Variants in BBS9 observed in about 807,000 individuals in gnomAD.
BBS9 encodes the protein Bardet-Biedl syndrome 9.
Under a neutral mutation model 117.7 loss-of-function variants are expected in BBS9, and 89 were observed. The ratio of observed to expected loss-of-function variants is 0.76; its 90% confidence interval spans 0.64 to 0.90. The LOEUF (loss-of-function observed/expected upper bound fraction) is 0.90, where lower values mean the gene tolerates loss of function less well. Ranked by LOEUF, BBS9 falls within the 40% of genes least tolerant of loss-of-function variation. The pLI is 0.00. For missense variants in BBS9, 982 were observed against 1,042.2 expected (o/e 0.94, Z 0.80); for synonymous variants, 379 against 370.9 (o/e 1.02, Z -0.25).
At chr7:33,590,471 T>TG (rs1423994432) in intron 21 of BBS9, among the ~76,000 whole-genome samples, 1 of 149,066 alleles carries the variant, frequency 6.7e-6, no homozygotes, top group African/African-American at 2.5e-5. Flanking sequence ...TTTTTTTTTT[T>TG]TTTTTTACCA....
downstream of BBS9, among the ~76,000 whole-genome samples, chr7:33,606,750 T>C (rs974806503): frequency 2.6e-5 from 4 of 152,138 alleles, no homozygotes; most frequent in African/African-American, 7.2e-5. Context: ...TATCTCCTTA[T>C]CCCTACACCA....
intron 19 of BBS9, among the ~76,000 whole-genome samples, chr7:33,405,807 A>C (rs1230434673): frequency 6.6e-5 from 10 of 152,052 alleles, no homozygotes; most frequent in Non-Finnish European, 1.5e-4. Context: ...TCCTGGATTC[A>C]TTAATTTTTT....
chr7:33,574,411 A>G (rs1300620453), intron 21 of BBS9, among the ~76,000 whole-genome samples: 6 of 152,098 alleles, frequency 3.9e-5, no homozygotes, highest in Non-Finnish European at 8.8e-5. Flanking sequence ...CCTTCCAGTC[A>G]TCCAACAAGG....
chr7:33,176,902 T>C (rs2128161083), intron 4 of BBS9, among the ~76,000 whole-genome samples: 1 of 152,328 alleles, frequency 6.6e-6, no homozygotes. Flanking sequence ...GTCTATTAAA[T>C]GCAGAGTATT....
chr7:33,153,117 T>C (rs534452254), intron 3 of BBS9, among the ~76,000 whole-genome samples: 137 of 152,152 alleles, frequency 9.0e-4, no homozygotes, highest in Non-Finnish European at 1.7e-3. Context: ...CTTTTGAAAA[T>C]AACCAAATAA....
intron 19 of BBS9, among the ~76,000 whole-genome samples, chr7:33,488,938 T>C (rs922690044): frequency 6.6e-6 from 1 of 151,740 alleles, no homozygotes; most frequent in Non-Finnish European, 1.5e-5. Context: ...TGATAATAGC[T>C]GTAAGTGGCG....
Position 33,572,695 on chromosome 7 carries a change from G to T in BBS9, c.2522-32170G>T, listed in dbSNP as rs912004048. Among the ~76,000 whole-genome samples, 3 of 152,160 alleles carry T rather than the reference G, an allele frequency of 2.0e-5. No individual in the cohort carries two copies. The South Asian group carries it at 6.2e-4, about 32-fold the overall frequency. ...GATTTGCATTTCTCTGATGATTAGC[G>T]ATGTTGAGCATATTTTTCATGTATG... On this transcript the variant is annotated intron_variant, in intron 21 of 22. Transcript: ENST00000242067.
chr7:33,313,660 T>G (rs1392751853), intron 9 of BBS9, among the ~76,000 whole-genome samples: 1 of 152,224 alleles, frequency 6.6e-6, no homozygotes, highest in African/African-American at 2.4e-5. Flanking sequence ...CTTCTTTTTG[T>G]GCAGAATTCT....
intron 7 of BBS9, among the ~76,000 whole-genome samples, chr7:33,270,540 A>G (rs781523848): frequency 6.6e-6 from 1 of 152,256 alleles, no homozygotes; most frequent in Non-Finnish European, 1.5e-5. Flanking sequence ...ATAAAGCTGT[A>G]AAACACACTA....
chr7:33,501,330 G>A (rs1845411486), intron 19 of BBS9, among the ~76,000 whole-genome samples: 1 of 152,228 alleles, frequency 6.6e-6, no homozygotes, highest in Non-Finnish European at 1.5e-5. Context: ...AACATGGAGA[G>A]CTGTTTAGTA....
intron 19 of BBS9, among the ~76,000 whole-genome samples, chr7:33,461,388 G>T (rs1339404840): frequency 1.3e-5 from 2 of 151,702 alleles, no homozygotes; most frequent in Non-Finnish European, 2.9e-5. Flanking sequence ...GCTCAATTTG[G>T]AAACATACTT....
intron 19 of BBS9, among the ~76,000 whole-genome samples, chr7:33,402,339 G>T (rs563509312): frequency 2.0e-5 from 3 of 152,078 alleles, no homozygotes; most frequent in Non-Finnish European, 4.4e-5. Context: ...CCTATCCTCT[G>T]AAAAAGAACG....
At chr7:33,435,619 T>A (rs1233239263) in intron 19 of BBS9, among the ~76,000 whole-genome samples, 2 of 152,128 alleles carry the variant, frequency 1.3e-5, no homozygotes, top group Admixed American at 1.3e-4. Flanking sequence ...GATACTGAAT[T>A]AAATACCAAG....
intron 21 of BBS9, among the ~76,000 whole-genome samples, chr7:33,553,739 A>G (rs922561991): frequency 2.0e-5 from 3 of 152,168 alleles, no homozygotes; most frequent in Non-Finnish European, 4.4e-5. Context: ...TTACTCATGA[A>G]TAGGACAATT....
chr7:33,390,635 G>C, intron 19 of BBS9: 1 of 963,862 alleles, frequency 1.0e-6, no homozygotes, highest in Non-Finnish European at 1.2e-6. Context: ...GCATAATAAA[G>C]TCTATTTTAA....
intron 19 of BBS9, chr7:33,390,667 A>G (rs73101699): frequency 0.14 from 121,061 of 882,036 alleles, 9,190 homozygotes; most frequent in Non-Finnish European, 0.15. Context: ...CAGTTTTTTA[A>G]TGACATACTT....
intron 9 of BBS9, among the ~76,000 whole-genome samples, chr7:33,321,338 C>G (rs1811670526): frequency 6.6e-6 from 1 of 151,974 alleles, no homozygotes; most frequent in Non-Finnish European, 1.5e-5. Context: ...GACATTTTAA[C>G]AATATTGATT....
intron 9 of BBS9, among the ~76,000 whole-genome samples, chr7:33,332,977 A>G (rs901933984): frequency 2.6e-5 from 4 of 152,082 alleles, no homozygotes; most frequent in Admixed American, 2.6e-4. Context: ...CATCTTTACA[A>G]GACTGTATCT....
At chr7:33,320,384 C>T (rs1285893183) in intron 9 of BBS9, among the ~76,000 whole-genome samples, 2 of 152,114 alleles carry the variant, frequency 1.3e-5, no homozygotes, top group Non-Finnish European at 2.9e-5. Context: ...AATATAATGA[C>T]CTGCAGTTCC....
Sources: allele counts gnomAD v4.1 joint callset (sites outside exome capture counted in the v4.1 genomes callset), GRCh38; gene constraint gnomAD v4.1.1; transcripts MANE v1.5; gene names NCBI Gene and HGNC (gene_info 2026-07-23, HGNC 2026-07-21).